The following SLC19A1 variants were observed in gnomAD, a reference collection of about 807,000 sequenced individuals.
The protein encoded by SLC19A1 is solute carrier family 19 member 1.
A neutral mutation model predicts 35.3 loss-of-function variants in SLC19A1; 37 were observed. The ratio of observed to expected loss-of-function variants is 1.05; its 90% CI spans 0.81 to 1.38. SLC19A1 has a LOEUF of 1.38. SLC19A1 is among the 40% of genes most tolerant of loss of function. The probability of loss-of-function intolerance (pLI) is 0.00; values close to 1 mark genes in which losing one functional copy is unlikely to be tolerated. For missense variants in SLC19A1, 831 were observed against 826.9 expected (o/e 1.00, Z -0.06); for synonymous variants, 460 against 398.5 (o/e 1.15, Z -1.84).
chr21:45,504,700 G>C, intron 3 of SLC19A1: 1 of 723,886 alleles, frequency 1.4e-6, no homozygotes, highest in Non-Finnish European at 2.3e-6. Context: ...CCCTGTCCCC[G>C]TGTGGGGACG....
At chr21:45,525,701 G>C in intron 5 of SLC19A1, 116 bp downstream of exon 5, 1 of 1,221,898 alleles carries the variant, frequency 8.2e-7, no homozygotes, top group African/African-American at 1.5e-5. Flanking sequence ...CCCCAGGCCC[G>C]CACCCTGTGC....
upstream of SLC19A1, among the ~76,000 whole-genome samples, chr21:45,545,827 C>T (rs2078409044): frequency 6.6e-6 from 1 of 152,222 alleles, no homozygotes; most frequent in South Asian, 2.1e-4. Flanking sequence ...AGACGTCTCC[C>T]CAGTCTCACC....
At position 45,504,984 on chromosome 21, in the gene SLC19A1, T is replaced by C. The variant is rs1028823249; in HGVS notation, c.498-6372A>G. ...GAAGAAGGGGTGATGGTGTGGGGGT[T>C]TCTCAGGCTATGGCGTGGGCAGGGA... On this transcript the variant is annotated intron_variant, in intron 3 of 4. Coordinates refer to the SLC19A1 transcript ENST00000417954. 11 of 981,428 alleles carry C rather than the reference T, an allele frequency of 1.1e-5. No individual in the cohort carries two copies. The African/African-American group carries it at 1.4e-4, about 13-fold the overall frequency. The allele number at this position is 981,428 out of a possible 1,614,324, so 60.8% of individuals were successfully genotyped here. A position where few individuals can be genotyped will look rare whatever the true frequency, so the allele number is the denominator to read the frequency against.
Position 45,530,118 on chromosome 21 carries a change from G to A in SLC19A1, c.1151+652C>T, listed in dbSNP as rs2077814195. ...GTGTCTGTGTGGTGTATCCATCTGT[G>A]AGCGTGTGGTGTGTTCATGTGAGTG... On this transcript the variant is annotated intron_variant, in intron 4 of 5. Coordinates refer to ENST00000311124, the MANE Select transcript of SLC19A1 (RefSeq NM_194255.4). The surrounding 1 kb of genome is among the most constrained non-coding windows in gnomAD (Gnocchi z 5.3). Among the ~76,000 whole-genome samples, 1 of 150,764 alleles carries A rather than the reference G, an allele frequency of 6.6e-6. No homozygotes were observed. Among genetic ancestry groups the A allele is most frequent in the Non-Finnish European group, 1.5e-5 (1 of 67,702 alleles).
intron 1 of SLC19A1, among the ~76,000 whole-genome samples, chr21:45,538,275 T>G (rs1192302684): frequency 6.6e-6 from 1 of 152,226 alleles, no homozygotes; most frequent in African/African-American, 2.4e-5. Flanking sequence ...TGGAGTGATT[T>G]AAGTGCCAAT....
In SLC19A1 at chr21:45,505,227, G is replaced by A. The variant is rs1195535468; in HGVS notation, c.498-6615C>T. On this transcript the variant is annotated intron_variant, in intron 3 of 4. Coordinates refer to the SLC19A1 transcript ENST00000417954. ...CTACGAGGGGCGCCAGGGCCCTCCC[G>A]GCCCCCCAGGCCCCCCAGGGCCCCC... The A allele has an allele frequency of 1.1e-5, 17 of 1,592,052 alleles. No individual in the cohort carries two copies. Among genetic ancestry groups the A allele is most frequent in the Non-Finnish European group, 1.4e-5 (16 of 1,166,464 alleles).
chr21:45,554,698 T>G (rs2078524721), intron 1 of SLC19A1, among the ~76,000 whole-genome samples: 1 of 150,220 alleles, frequency 6.7e-6, no homozygotes, highest in South Asian at 2.1e-4. Context: ...TGATTTTTCA[T>G]TTATGGATGG....
chr21:45,517,196 C>T lies in SLC19A1; in HGVS notation c.1294-1056G>A, dbSNP rs1367023214. ...TTTTGAAACTGAAGAAGGCAGCAGG[C>T]TGGAAAAGACAACAGATGCAGAAAA... On this transcript the variant is annotated intron_variant, in intron 5 of 5. Transcript: ENST00000311124. This position sits in a 1 kb window ranked among gnomAD's most constrained non-coding sequence, Gnocchi z 4.4. Among the ~76,000 whole-genome samples the T allele has an allele frequency of 2.0e-5, 3 of 152,134 alleles. No individual in the cohort carries two copies.
downstream of SLC19A1, chr21:45,509,519 C>A: frequency 2.0e-6 from 3 of 1,534,388 alleles, no homozygotes; most frequent in East Asian, 2.4e-5. Context: ...CCCGGAGCCC[C>A]GCACCACAGC....
At position 45,514,763 on chromosome 21, in the gene SLC19A1, C is replaced by T; in HGVS notation, c.*895G>A. 2 of 499,990 alleles carry T rather than the reference C, an allele frequency of 4.0e-6. No homozygotes were observed. The highest frequency in any genetic ancestry group is 7.0e-6 in the Non-Finnish European group (2 of 287,476). 31.0% of individuals were successfully genotyped at this position (499,990 alleles called of 1,614,324 possible). ...TGTGGGAAGAGTATTCACATCACAT[C>T]AGATGGTCCCGCACCTGTGGGCAAG... On this transcript the variant is annotated 3_prime_UTR_variant, in exon 6 of 6. Coordinates refer to ENST00000311124, the MANE Select transcript of SLC19A1 (RefSeq NM_194255.4).
Position 45,534,743 on chromosome 21 carries a change from C to G in SLC19A1, c.190-2595G>C. The G allele has an allele frequency of 1.4e-6, 1 of 698,936 alleles. No homozygotes were observed. Among genetic ancestry groups the G allele is most frequent in the South Asian group, 1.8e-5 (1 of 56,364 alleles). 43.3% of individuals were successfully genotyped at this position (698,936 alleles called of 1,614,324 possible). ...TTCCTCAGCCTTGGCAGGCAGACAG[C>G]AGGGAGGCTCTGCCCAGAGCTGTGA... On this transcript the variant is annotated intron_variant, in intron 2 of 5. Transcript: ENST00000311124. This position sits in a 1 kb window ranked among gnomAD's most constrained non-coding sequence, Gnocchi z 4.2.
chr21:45,532,856 G>A (rs973180131), intron 2 of SLC19A1, among the ~76,000 whole-genome samples: 1 of 152,210 alleles, frequency 6.6e-6, no homozygotes, highest in Non-Finnish European at 1.5e-5. Context: ...TTCCTGGAGA[G>A]AGACAAAAAC....
At chr21:45,506,213 G>A in intron 3 of SLC19A1, 1 of 541,206 alleles carries the variant, frequency 1.8e-6, no homozygotes, top group South Asian at 2.0e-5. Context: ...GCTCCTGGTG[G>A]GTCATGTCAC....
rs368240804 is a variant in SLC19A1 at position 45,556,612 on chromosome 21, C to G, written c.-50+6130G>C. Among the ~76,000 whole-genome samples the G allele has an allele frequency of 7.4e-4, 112 of 152,352 alleles. 1 individual carries two copies. The South Asian group carries it at 0.023, about 31-fold the overall frequency. On this transcript the variant is annotated intron_variant, in intron 1 of 5. Transcript: ENST00000650808. The stretch of plus-strand genomic sequence containing the variant: ...TTCTCAAAACACCGTGCAGACGAAA[C>G]CAGTCAGTGACACACCTGTCTGCAG...
At position 45,530,204 on chromosome 21, in the gene SLC19A1, T is replaced by C. The variant is rs1001781003; in HGVS notation, c.1151+566A>G. On this transcript the variant is annotated intron_variant, in intron 4 of 5. Transcript: ENST00000311124. The surrounding 1 kb of genome is among the most constrained non-coding windows in gnomAD (Gnocchi z 5.3). Reference sequence around the variant, plus strand: ...GTGTAGTGGGTGTCCATGTGTGATATATCCATGTGTGAACATGGTGTGTGT... The same window carrying C: ...GTGTAGTGGGTGTCCATGTGTGATACATCCATGTGTGAACATGGTGTGTGT... 6.6e-6 allele frequency among the ~76,000 whole-genome samples: 1 copy of C among 150,872 alleles called. No individual in the cohort carries two copies. The highest frequency in any genetic ancestry group is 1.5e-5 in the Non-Finnish European group (1 of 67,732).
At chr21:45,512,456 G>T, downstream of SLC19A1, 1 of 1,553,628 alleles carries the variant, frequency 6.4e-7, no homozygotes, top group Non-Finnish European at 8.7e-7. Context: ...AGCCCCCACC[G>T]TGGGCAGGGA....
chr21:45,503,671 G>T (rs1019597159), intron 3 of SLC19A1, among the ~76,000 whole-genome samples: 1 of 150,400 alleles, frequency 6.6e-6, no homozygotes, highest in Admixed American at 6.6e-5. Context: ...AGCATTGGGA[G>T]ATATACCTAA....
intron 1 of SLC19A1, among the ~76,000 whole-genome samples, chr21:45,556,914 A>T (rs9984031): frequency 0.38 from 57,482 of 150,988 alleles, 11,463 homozygotes; most frequent in African/African-American, 0.51. Context: ...TGCATGTGTC[A>T]CCTGGGACGG....
At chr21:45,510,851 C>T (rs1054467997), downstream of SLC19A1, among the ~76,000 whole-genome samples, 15 of 152,250 alleles carry the variant, frequency 9.9e-5, no homozygotes, top group African/African-American at 3.4e-4. Context: ...TTGGGGTCTG[C>T]AGAGGCTGCC....
Sources: gnomAD v4.1 joint callset for allele counts (sites outside exome capture counted in the v4.1 genomes callset) on GRCh38, gnomAD v4.1.1 for gene constraint, Gnocchi (gnomAD v3.1) non-coding constraint, MANE v1.5 for transcripts, NCBI Gene and HGNC (gene_info 2026-07-23, HGNC 2026-07-21) for gene names.